The following FCGRT variants were observed in gnomAD, a reference collection of about 807,000 sequenced individuals.
FCGRT encodes IgG receptor FcRn large subunit p51.
A neutral mutation model predicts 35.7 loss-of-function variants in FCGRT; 13 were observed. The ratio of observed to expected loss-of-function variants is 0.36; its 90% CI spans 0.24 to 0.58. FCGRT has a LOEUF of 0.58. FCGRT is among the 20% of genes least tolerant of loss of function. The pLI is 0.77. For synonymous variants in FCGRT, 233 were observed against 216.5 expected, an observed-to-expected ratio of 1.08 and a Z score of -0.67; for missense variants, 455 against 474.9, an observed-to-expected ratio of 0.96 and a Z score of 0.39.
At chr19:49,524,474 G>A (rs113663763) in intron 4 of FCGRT, 33 bp from the exon 5 acceptor site, 68 of 1,588,092 alleles carry the variant, frequency 4.3e-5, no homozygotes, top group Non-Finnish European at 5.4e-5. Flanking sequence ...TGGTGGGCTC[G>A]CGACTTAGGC....
rs761759110 is a variant in FCGRT, at chr19:49,513,979, G to A, written c.171G>A (p.Gln57=). 5 of 1,613,996 alleles carry A rather than the reference G, an allele frequency of 3.1e-6. No individual in the cohort carries two copies. The highest frequency in any genetic ancestry group is 4.2e-6 in the Non-Finnish European group (5 of 1,180,018). ...TGTCCGGCTGGCTGGGCCCGCAGCA[G>A]TACCTGAGCTACAATAGCCTGCGGG... is the stretch of plus-strand genomic sequence containing the variant. ...FWVSGWLGPQ[Q]YLSYNSLRGE... is the part of the protein sequence containing the mutation. The change falls in exon 3 of 7, where the codon CAG becomes CAA. Residue 57 remains glutamine (Q), a synonymous_variant. Transcript: ENST00000221466.
intron 4 of FCGRT, among the ~76,000 whole-genome samples, chr19:49,520,398 T>C (rs2080034518): frequency 6.8e-6 from 1 of 146,718 alleles, no homozygotes; most frequent in Non-Finnish European, 1.5e-5. Flanking sequence ...CAGGCTGGAG[T>C]ACAATGGCAT....
Position 49,514,564 on chromosome 19 carries a change from C to T in FCGRT, c.601+78C>T, listed in dbSNP as rs1030849773. ...ACCTGCCTCAGTTCCCCTGCCAGGA[C>T]CCTCCATCAGCCTCCCACTGCAGCC... On this transcript the variant is annotated intron_variant, in intron 4 of 6. Transcript: ENST00000221466. 8.0e-6 allele frequency: 11 copies of T among 1,373,608 alleles called. No individual in the cohort carries two copies. In the African/African-American group the frequency reaches 1.5e-4, roughly 18 times the overall value. 85.1% of individuals were successfully genotyped at this position (1,373,608 alleles called of 1,614,324 possible). A position where few individuals can be genotyped will look rare whatever the true frequency, so the allele number is the denominator to read the frequency against.
chr19:49,523,714 G>A (rs1447181459), intron 4 of FCGRT, among the ~76,000 whole-genome samples: 1 of 151,452 alleles, frequency 6.6e-6, no homozygotes, highest in East Asian at 2.0e-4. Context: ...CAAAAAATTA[G>A]CCAAGTGTGG....
Position 49,526,150 on chromosome 19 carries a change from T to G in FCGRT, c.*31T>G. ...CGCCATTCCGACTGCTAAAAGCGAA[T>G]GTAGTCAGGCCCCTTTCATGCTGTG... On this transcript the variant is annotated 3_prime_UTR_variant, in exon 7 of 7. Transcript: ENST00000221466. 2 of 1,417,382 alleles carry G rather than the reference T, an allele frequency of 1.4e-6. No homozygotes were observed. The highest frequency in any genetic ancestry group is 2.0e-6 in the Non-Finnish European group (2 of 1,000,934). The allele number at this position is 1,417,382 out of a possible 1,614,324, so 87.8% of individuals were successfully genotyped here. A position where few individuals can be genotyped will look rare whatever the true frequency, so the allele number is the denominator to read the frequency against.
intron 4 of FCGRT, among the ~76,000 whole-genome samples, chr19:49,523,060 A>T (rs1433709359): frequency 6.6e-6 from 1 of 151,678 alleles, no homozygotes; most frequent in African/African-American, 2.4e-5. Context: ...TACAGGCGTG[A>T]GCCACCGCGC....
chr19:49,522,172 C>T (rs2122690637), intron 4 of FCGRT, among the ~76,000 whole-genome samples: 1 of 150,850 alleles, frequency 6.6e-6, no homozygotes, highest in Admixed American at 6.6e-5. Context: ...GCCTCAAACT[C>T]CTGGGCTCAA....
chr19:49,522,092 A>G (rs1365503096), intron 4 of FCGRT, among the ~76,000 whole-genome samples: 1 of 148,354 alleles, frequency 6.7e-6, no homozygotes, highest in Non-Finnish European at 1.5e-5. Context: ...TTTTTTTTAG[A>G]CGGAGTCTTG....
intron 1 of FCGRT, 39 bp from the exon 2 acceptor site, chr19:49,513,348 C>CGGCGGG: frequency 1.0e-6 from 1 of 987,844 alleles, no homozygotes. Context: ...AGGGGCGGGC[C>CGGCGGG]GGGGGTCGGG....
chr19:49,519,068 T>A (rs1473967700), intron 4 of FCGRT, among the ~76,000 whole-genome samples: 1 of 145,208 alleles, frequency 6.9e-6, no homozygotes, highest in Non-Finnish European at 1.5e-5. Context: ...GGTCTCGATC[T>A]CCTGACCTCC....
Position 49,513,934 on chromosome 19 carries a change from G to C in FCGRT, c.126G>C (p.Pro42=). 1 of 1,613,282 alleles carries C rather than the reference G, an allele frequency of 6.2e-7. No individual in the cohort carries two copies. The highest frequency in any genetic ancestry group is 8.5e-7 in the Non-Finnish European group (1 of 1,179,576). ...YHLTAVSSPA[P]GTPAFWVSGW... ...TTACCGCGGTGTCCTCGCCTGCCCC[G>C]GGGACTCCTGCCTTCTGGGTGTCCG... The change falls in exon 3 of 7, where the codon CCG becomes CCC. Residue 42 remains proline, a synonymous_variant. Transcript: ENST00000221466.
rs575406297 is a variant in FCGRT, at chr19:49,525,585, C to T, written c.988+12C>T. 3.0e-5 allele frequency: 47 copies of T among 1,574,654 alleles called. No individual in the cohort carries two copies. Among genetic ancestry groups the T allele is most frequent in the African/African-American group, 5.4e-5 (4 of 74,170 alleles). ...GAGTGGGCTGCCAGGTGGGGGGCAG[C>T]GGGAGGAAGAGCCTCTGAGAGAGGG... On this transcript the variant is annotated intron_variant, in intron 6 of 6. Coordinates refer to ENST00000221466, the MANE Select transcript of FCGRT (RefSeq NM_001136019.3).
At chr19:49,524,063 G>A (rs1253204673) in intron 4 of FCGRT, among the ~76,000 whole-genome samples, 1 of 149,904 alleles carries the variant, frequency 6.7e-6, no homozygotes, top group Non-Finnish European at 1.5e-5. Context: ...CTGTCGCCCA[G>A]GCTGGAGTGC....
rs777861971 is a variant in FCGRT, at chr19:49,514,282, T to C, written c.397T>C (p.Phe133Leu). The change falls in exon 4 of 7, where the codon TTC (phenylalanine) becomes CTC (leucine). Residue 133 changes from phenylalanine to leucine, a missense_variant. Around this residue, in one of 3 missense-constraint regions of FCGRT, gnomAD observed 136 missense variants for 158.9 expected, o/e 0.86. Transcript: ENST00000221466. ...CAACACCTCGGTGCCCACCGCCAAG[T>C]TCGCCCTGAACGGCGAGGAGTTCAT... ...PDNTSVPTAK[F>L]ALNGEEFMNF... 22 of 1,612,024 alleles carry C rather than the reference T, an allele frequency of 1.4e-5. No individual in the cohort carries two copies. Among genetic ancestry groups the C allele is most frequent in the Non-Finnish European group, 1.9e-5 (22 of 1,179,258 alleles).
chr19:49,516,809 GC>G (rs1373167129), intron 4 of FCGRT, among the ~76,000 whole-genome samples: 1 of 151,976 alleles, frequency 6.6e-6, no homozygotes, highest in African/African-American at 2.4e-5. Flanking sequence ...GCCTACCTTG[GC>G]CTCCCAAAGT....
chr19:49,513,771 G>C, intron 2 of FCGRT, 111 bp from the exon 3 acceptor site: 2 of 381,566 alleles, frequency 5.2e-6, no homozygotes, highest in South Asian at 6.0e-5. Flanking sequence ...CCCTCTCTCT[G>C]AATCTGTCCC....
chr19:49,523,145 T>C (rs1231008581), intron 4 of FCGRT, among the ~76,000 whole-genome samples: 2 of 151,896 alleles, frequency 1.3e-5, no homozygotes, highest in Non-Finnish European at 2.9e-5. Flanking sequence ...GCTGGGAGAG[T>C]GTTTCCTCTG....
intron 4 of FCGRT, among the ~76,000 whole-genome samples, chr19:49,523,655 T>C (rs1305296481): frequency 6.6e-6 from 1 of 151,846 alleles, no homozygotes; most frequent in Non-Finnish European, 1.5e-5. Context: ...GGTCAGGAGA[T>C]TGAGACCATC....
intron 4 of FCGRT, among the ~76,000 whole-genome samples, chr19:49,519,036 G>A (rs1445536014): frequency 6.6e-6 from 1 of 151,180 alleles, no homozygotes; most frequent in Admixed American, 6.6e-5. Flanking sequence ...TAGAGACAGA[G>A]TTTCACTGTG....
Sources: gnomAD v4.1 joint callset for allele counts (sites outside exome capture counted in the v4.1 genomes callset) on GRCh38, gnomAD v4.1.1 for gene constraint, gnomAD v4.1.1 regional missense constraint, MANE v1.5 for transcripts, NCBI Gene and HGNC (gene_info 2026-07-23, HGNC 2026-07-21) for gene names.